Variants in SYT16 observed in about 807,000 individuals in gnomAD.
The protein encoded by SYT16 is synaptotagmin-16.
A neutral mutation model predicts 61.4 loss-of-function variants in SYT16; 42 were observed. The ratio of observed to expected loss-of-function variants is 0.68; its 90% CI spans 0.53 to 0.89. SYT16 has a LOEUF of 0.89. SYT16 is among the 40% of genes least tolerant of loss of function. The pLI is 0.00. For synonymous variants in SYT16, 314 were observed against 302.3 expected (o/e 1.04, Z -0.40); for missense variants, 804 against 807.3 (o/e 1.00, Z 0.05).
intron 3 of SYT16, among the ~76,000 whole-genome samples, chr14:62,050,101 A>C (rs1344179288): frequency 6.6e-6 from 1 of 152,214 alleles, no homozygotes; most frequent in Non-Finnish European, 1.5e-5. Flanking sequence ...CGTCACTTTC[A>C]GGTACACCAG....
chr14:62,084,530 A>AT, intron 7 of SYT16, 145 bp downstream of exon 7: 2 of 866,534 alleles, frequency 2.3e-6, no homozygotes, highest in Non-Finnish European at 3.4e-6. Context: ...ATACCTCTGT[A>AT]TTTTTTAAAT....
At chr14:62,043,345 T>C (rs1415060833) in intron 3 of SYT16, among the ~76,000 whole-genome samples, 1 of 151,966 alleles carries the variant, frequency 6.6e-6, no homozygotes, top group African/African-American at 2.4e-5. Context: ...TTATCTTCTA[T>C]TCCTAGTTTG....
At chr14:62,085,249 AG>A (rs1169472748) in intron 7 of SYT16, among the ~76,000 whole-genome samples, 2 of 152,204 alleles carry the variant, frequency 1.3e-5, no homozygotes, top group African/African-American at 4.8e-5. Flanking sequence ...AAAGCTTGAA[AG>A]GGGGGCAGGA....
chr14:61,904,034 C>T (rs1221895729), intron 1 of SYT16, among the ~76,000 whole-genome samples: 1 of 152,206 alleles, frequency 6.6e-6, no homozygotes, highest in Non-Finnish European at 1.5e-5. Context: ...TACAAACGCC[C>T]AATCACTCCT....
At chr14:61,942,849 A>T (rs1292225000) in intron 1 of SYT16, among the ~76,000 whole-genome samples, 1 of 152,190 alleles carries the variant, frequency 6.6e-6, no homozygotes, top group Non-Finnish European at 1.5e-5. Flanking sequence ...AATATAAATC[A>T]GTTGAAAAAC....
At chr14:62,053,149 C>T (rs2055387005) in intron 3 of SYT16, among the ~76,000 whole-genome samples, 1 of 152,192 alleles carries the variant, frequency 6.6e-6, no homozygotes, top group African/African-American at 2.4e-5. Flanking sequence ...AAACTCCCAT[C>T]TTCTAAGAGA....
chr14:61,957,626 AACC>A (rs386778140), intron 1 of SYT16, among the ~76,000 whole-genome samples: 3,990 of 152,172 alleles, frequency 0.026, 183 homozygotes, highest in African/African-American at 0.09. Context: ...GTGTATGTGG[AACC>A]ATCCTTGCAT....
At chr14:61,903,473 A>G (rs1354902818) in intron 1 of SYT16, among the ~76,000 whole-genome samples, 1 of 152,226 alleles carries the variant, frequency 6.6e-6, no homozygotes, top group Non-Finnish European at 1.5e-5. Flanking sequence ...GAAAGGAAAG[A>G]AGGCGGCTGT....
chr14:61,873,961 A>G (rs1400554196), intron 1 of SYT16, among the ~76,000 whole-genome samples: 2 of 152,178 alleles, frequency 1.3e-5, no homozygotes, highest in African/African-American at 4.8e-5. Context: ...AGTAAAGGAG[A>G]ATATATTCTG....
At chr14:62,029,973 T>C (rs1258772348) in intron 3 of SYT16, among the ~76,000 whole-genome samples, 1 of 152,190 alleles carries the variant, frequency 6.6e-6, no homozygotes, top group Non-Finnish European at 1.5e-5. Context: ...TTTTTTCTTT[T>C]GGAAATTGCT....
chr14:62,096,101 C>T (rs1452420956), intron 7 of SYT16, among the ~76,000 whole-genome samples: 1 of 151,932 alleles, frequency 6.6e-6, no homozygotes, highest in Non-Finnish European at 1.5e-5. Flanking sequence ...TATTAAAGAT[C>T]AAGTGTGAAA....
chr14:62,075,294 A>G lies in SYT16; in HGVS notation c.896A>G (p.Gln299Arg). 6.2e-7 allele frequency: 1 copy of G among 1,613,918 alleles called. No individual in the cohort carries two copies. Among genetic ancestry groups the G allele is most frequent in the Non-Finnish European group, 8.5e-7 (1 of 1,179,858 alleles). ...AGTGTGGTCCAAAGCCTCAGGCGCC[A>G]ATCCACAGAGGGCAGCTTGGAGATG... ...ESSVVQSLRR[Q>R]STEGSLEMET... The change falls in exon 5 of 8, where the codon CAA becomes CGA. Residue 299 changes from glutamine to arginine, a missense_variant. Physicochemically the swap from Gln to Arg is conservative, Grantham distance 43 (BLOSUM62 1). Transcript: ENST00000683842.
chr14:61,943,507 A>G (rs2050292179), intron 1 of SYT16, among the ~76,000 whole-genome samples: 1 of 152,234 alleles, frequency 6.6e-6, no homozygotes, highest in South Asian at 2.1e-4. Context: ...AATCGAATCC[A>G]GCAGCACATC....
At chr14:61,987,946 A>G (rs1288154446) in intron 2 of SYT16, among the ~76,000 whole-genome samples, 2 of 152,172 alleles carry the variant, frequency 1.3e-5, no homozygotes, top group African/African-American at 2.4e-5. Flanking sequence ...TGATGTTTCC[A>G]TCTGTGCTTT....
At chr14:61,883,692 A>AC (rs2047785694) in intron 1 of SYT16, among the ~76,000 whole-genome samples, 1 of 152,020 alleles carries the variant, frequency 6.6e-6, no homozygotes, top group African/African-American at 2.4e-5. Context: ...TTGTAGTAGT[A>AC]CCCCACTCTT....
chr14:61,987,482 G>A (rs907075957), intron 2 of SYT16, among the ~76,000 whole-genome samples: 3 of 152,180 alleles, frequency 2.0e-5, no homozygotes, highest in African/African-American at 4.8e-5. Context: ...TGTTGAAGTG[G>A]TTCAGTTAGG....
chr14:61,898,740 G>T (rs1254442510), intron 1 of SYT16, among the ~76,000 whole-genome samples: 1 of 152,128 alleles, frequency 6.6e-6, no homozygotes, highest in Non-Finnish European at 1.5e-5. Flanking sequence ...ATATGACAGG[G>T]ACGGTCTCTG....
At chr14:61,894,974 A>T (rs2048275424) in intron 1 of SYT16, among the ~76,000 whole-genome samples, 7 of 152,200 alleles carry the variant, frequency 4.6e-5, no homozygotes, top group Admixed American at 4.6e-4. Flanking sequence ...GTCTCAAAGC[A>T]TTGGCCCATC....
At chr14:61,835,898 T>G (rs1269160674) in intron 1 of SYT16, among the ~76,000 whole-genome samples, 1 of 152,220 alleles carries the variant, frequency 6.6e-6, no homozygotes, top group African/African-American at 2.4e-5. Context: ...CCTGTCTTTC[T>G]CAATTTACAT....
Sources: allele counts gnomAD v4.1 joint callset (sites outside exome capture counted in the v4.1 genomes callset), GRCh38; gene constraint gnomAD v4.1.1; transcripts MANE v1.5; gene names NCBI Gene and HGNC (gene_info 2026-07-23, HGNC 2026-07-21).